The following GARIN2 variants were observed in gnomAD, a reference collection of about 807,000 sequenced individuals.
The protein encoded by GARIN2 is Golgi-associated RAB2 interactor protein 2.
chr14:67,210,424 T>TA, the GARIN2 span, among the ~76,000 whole-genome samples: 454 of 151,438 alleles, frequency 3.0e-3, 1 homozygote, highest in Non-Finnish European at 5.4e-3. Context: ...TGTCTCTATT[T>TA]AAAAAAAAGA....
At chr14:67,205,972 T>C in the GARIN2 span, among the ~76,000 whole-genome samples, 1 of 152,084 alleles carries the variant, frequency 6.6e-6, no homozygotes, top group Non-Finnish European at 1.5e-5. Flanking sequence ...TTGCTTGAGC[T>C]TGGGAGTTCG....
At chr14:67,204,375 G>T in the GARIN2 span, 1 of 621,886 alleles carries the variant, frequency 1.6e-6, no homozygotes, top group Admixed American at 6.3e-5. Flanking sequence ...GGAAGTCGAG[G>T]CTGCAGTGAG....
chr14:67,204,425 G>C, the GARIN2 span: 1 of 1,373,604 alleles, frequency 7.3e-7, no homozygotes, highest in East Asian at 2.6e-5. Context: ...GTGGGCAACA[G>C]AGTGAGAACT....
At chr14:67,195,545 T>C in the GARIN2 span, among the ~76,000 whole-genome samples, 1 of 152,154 alleles carries the variant, frequency 6.6e-6, no homozygotes, top group Non-Finnish European at 1.5e-5. Flanking sequence ...TCAGAGTGAA[T>C]TGTTTTTCCA....
chr14:67,224,907 T>G, the GARIN2 span: 1 of 432,674 alleles, frequency 2.3e-6, no homozygotes, highest in African/African-American at 2.1e-5. Context: ...AAAGGGAACC[T>G]GCTTGTGAAA....
the GARIN2 span, among the ~76,000 whole-genome samples, chr14:67,197,547 G>C: frequency 6.7e-6 from 1 of 149,236 alleles, no homozygotes; most frequent in Admixed American, 6.7e-5. Flanking sequence ...TGGTCCCCTT[G>C]GCAGCAGGGA....
At chr14:67,222,436 C>T in the GARIN2 span, among the ~76,000 whole-genome samples, 20 of 152,088 alleles carry the variant, frequency 1.3e-4, no homozygotes, top group African/African-American at 4.8e-4. Flanking sequence ...GGATTACAGG[C>T]GTTTGCCACC....
the GARIN2 span, chr14:67,199,953 A>G: frequency 2.1e-5 from 27 of 1,314,168 alleles, no homozygotes; most frequent in Non-Finnish European, 2.7e-5. Context: ...CATTCCCACC[A>G]GGAGGAGTGC....
chr14:67,201,454 T>TCTAAAA, the GARIN2 span: 1 of 456,048 alleles, frequency 2.2e-6, no homozygotes, highest in Non-Finnish European at 4.4e-6. Context: ...GGGCCTCACA[T>TCTAAAA]CTAAACAGGA....
chr14:67,195,139 G>A, the GARIN2 span, among the ~76,000 whole-genome samples: 5 of 152,288 alleles, frequency 3.3e-5, no homozygotes, highest in African/African-American at 9.6e-5. Context: ...TAATCCAAAA[G>A]TGTAAAAATA....
chr14:67,203,032 A>G, the GARIN2 span: 1 of 1,545,310 alleles, frequency 6.5e-7, no homozygotes, highest in Non-Finnish European at 8.8e-7. Flanking sequence ...TTCTCAGGCA[A>G]GCAAGGTTGT....
the GARIN2 span, among the ~76,000 whole-genome samples, chr14:67,196,452 C>T: frequency 2.0e-3 from 308 of 152,240 alleles, 2 homozygotes; most frequent in African/African-American, 7.1e-3. Context: ...GAACTCCTGA[C>T]CTAAGGTGAT....
chr14:67,201,250 C>T, the GARIN2 span, among the ~76,000 whole-genome samples: 1,670 of 152,262 alleles, frequency 0.011, 19 homozygotes, highest in Middle Eastern at 0.017. Context: ...GCTAGGATGG[C>T]GCTACTGCAC....
the GARIN2 span, among the ~76,000 whole-genome samples, chr14:67,190,596 G>A: frequency 1.3e-5 from 2 of 152,122 alleles, no homozygotes; most frequent in African/African-American, 4.8e-5. Flanking sequence ...CAAAGACTGA[G>A]AATTGAGTAA....
chr14:67,201,282 A>G, the GARIN2 span: 6 of 348,276 alleles, frequency 1.7e-5, no homozygotes, highest in Non-Finnish European at 2.8e-5. Context: ...TGATAAGACA[A>G]GACTTTGTCT....
chr14:67,193,767 A>G, the GARIN2 span, among the ~76,000 whole-genome samples: 1 of 143,792 alleles, frequency 7.0e-6, no homozygotes, highest in African/African-American at 2.6e-5. Flanking sequence ...ACACAGGAAG[A>G]CCCAATTTCT....
the GARIN2 span, among the ~76,000 whole-genome samples, chr14:67,209,647 G>A: frequency 9.3e-5 from 14 of 150,914 alleles, no homozygotes; most frequent in African/African-American, 2.7e-4. Context: ...GTGAAACCCC[G>A]TCTCTACTAA....
At chr14:67,206,364 TG>T in the GARIN2 span, among the ~76,000 whole-genome samples, 1 of 151,950 alleles carries the variant, frequency 6.6e-6, no homozygotes, top group Non-Finnish European at 1.5e-5. Context: ...GGTGTGGTAG[TG>T]GGTGCCTGTA....
the GARIN2 span, among the ~76,000 whole-genome samples, chr14:67,196,223 C>CTTTCTTTT: frequency 1.4e-5 from 2 of 143,118 alleles, no homozygotes; most frequent in African/African-American, 5.1e-5. Context: ...TTCTTTCTTT[C>CTTTCTTTT]TTTTTTTTTT....
Sources: gnomAD v4.1 joint callset for allele counts (sites outside exome capture counted in the v4.1 genomes callset) on GRCh38, gnomAD v4.1.1 for gene constraint, MANE v1.5 for transcripts, NCBI Gene and HGNC (gene_info 2026-07-23, HGNC 2026-07-21) for gene names.